The following ECE2 variants were observed in gnomAD, a reference collection of about 807,000 sequenced individuals.
ECE2 encodes endothelin-converting enzyme 2.
A neutral mutation model predicts 100.6 loss-of-function variants in ECE2; 81 were observed. The ratio of observed to expected loss-of-function variants is 0.81; its 90% confidence interval spans 0.67 to 0.97. The LOEUF is 0.97. Ranked by LOEUF, ECE2 falls within the 50% of genes least tolerant of loss-of-function variation. The pLI, the probability that ECE2 is intolerant of heterozygous loss-of-function variation, is 0.00. For synonymous variants in ECE2, 391 were observed against 391.5 expected, an observed-to-expected ratio of 1.00 and a Z score of 0.02; for missense variants, 911 against 988.1, an observed-to-expected ratio of 0.92 and a Z score of 1.05.
At position 184,291,619 on chromosome 3, in the gene ECE2, G is replaced by A; in HGVS notation, c.2121+180G>A. 3 of 609,416 alleles carry A rather than the reference G, an allele frequency of 4.9e-6. No homozygotes were observed. The South Asian group carries it at 8.3e-5, about 17-fold the overall frequency. 37.8% of individuals were successfully genotyped at this position (609,416 alleles called of 1,614,324 possible). On this transcript the variant is annotated intron_variant, in intron 18 of 18. Coordinates refer to ENST00000404464, the MANE Select transcript of ECE2 (RefSeq NM_001100121.2). The surrounding 1 kb of genome is among the most constrained non-coding windows in gnomAD (Gnocchi z 4.1). The stretch of plus-strand genomic sequence containing the variant: ...CCTCCGGCCAGCCAGGGCCCACAAA[G>A]GCAGCCTGAAGAGGCCTGAGCGGGA...
intron 7 of ECE2, among the ~76,000 whole-genome samples, chr3:184,281,814 G>T (rs974065733): frequency 1.3e-5 from 2 of 152,232 alleles, no homozygotes; most frequent in Admixed American, 1.3e-4. Flanking sequence ...AAAACTAAGA[G>T]TAGGCTGGGT....
At chr3:184,287,994 T>C in intron 11 of ECE2, 47 bp downstream of exon 11, 2 of 1,552,888 alleles carry the variant, frequency 1.3e-6, no homozygotes, top group Non-Finnish European at 1.8e-6. Context: ...AAATTGACTG[T>C]TCATGTATGT....
chr3:184,276,036 G>T lies in ECE2; in HGVS notation c.-118G>T, dbSNP rs1720526646. 16 of 1,115,054 alleles carry T rather than the reference G, an allele frequency of 1.4e-5. No homozygotes were observed. In the South Asian group the frequency reaches 2.2e-4, roughly 15 times the overall value. The allele number at this position is 1,115,054 out of a possible 1,614,324, so 69.1% of individuals were successfully genotyped here. On this transcript the variant is annotated 5_prime_UTR_variant, in exon 1 of 19. Transcript: ENST00000404464. The stretch of plus-strand genomic sequence containing the variant: ...GGGGGGCGGCCGCGGCCGAGCGGGG[G>T]TGCTGCGCGGCGGCCGTGATGGCTG...
intron 18 of ECE2, 31 bp from the exon 19 acceptor site, chr3:184,292,031 C>A (rs765510601): frequency 1.3e-6 from 2 of 1,593,326 alleles, no homozygotes; most frequent in Non-Finnish European, 1.7e-6. Context: ...CACTAGACAC[C>A]ATATGCCCCC....
chr3:184,276,358 T>C, intron 1 of ECE2, 123 bp from the exon 2 acceptor site: 1 of 1,394,848 alleles, frequency 7.2e-7, no homozygotes, highest in Middle Eastern at 2.5e-4. Flanking sequence ...GCAGGGCAGG[T>C]GGGAAGGGAA....
intron 10 of ECE2, 99 bp downstream of exon 10, chr3:184,285,691 C>A: frequency 1.1e-6 from 1 of 899,478 alleles, no homozygotes; most frequent in Non-Finnish European, 1.8e-6. Flanking sequence ...TGCACAGGTG[C>A]ATAGTATGGA....
chr3:184,288,460 ATATT>A (rs1166225621), intron 11 of ECE2, among the ~76,000 whole-genome samples: 1 of 152,156 alleles, frequency 6.6e-6, no homozygotes, highest in Non-Finnish European at 1.5e-5. Flanking sequence ...ACTAGAAGAA[ATATT>A]TATTTATTAG....
In ECE2 at chr3:184,276,614, T is replaced by C; in HGVS notation, c.126+47T>C. On this transcript the variant is annotated intron_variant, in intron 2 of 18. Coordinates refer to ENST00000404464, the MANE Select transcript of ECE2 (RefSeq NM_001100121.2). ...TTCTCACCAGGCCCCAGCCCTGGCATGACGCCTGGCACACCCAGGAGCTCT... is the reference window on the plus strand; with the variant it reads ...TTCTCACCAGGCCCCAGCCCTGGCACGACGCCTGGCACACCCAGGAGCTCT... 1.9e-6 allele frequency: 3 copies of C among 1,590,482 alleles called. No homozygotes were observed. In the East Asian group the frequency reaches 6.8e-5, roughly 36 times the overall value.
intron 8 of ECE2, among the ~76,000 whole-genome samples, chr3:184,284,435 G>A (rs1458185617): frequency 2.6e-5 from 4 of 151,916 alleles, no homozygotes; most frequent in Non-Finnish European, 5.9e-5. Context: ...CCAGCTACTC[G>A]GGAGGCTGAG....
At chr3:184,290,950 G>C in intron 16 of ECE2, 90 bp downstream of exon 16, 1 of 1,596,250 alleles carries the variant, frequency 6.3e-7, no homozygotes. Flanking sequence ...CAAGGGCCCT[G>C]AAGTCTGTGG....
rs946086832 is a variant in ECE2, at chr3:184,276,207, C to T, written c.39+15C>T. On this transcript the variant is annotated intron_variant, in intron 1 of 18. Transcript: ENST00000404464. ...CTGGCAGCAACGTGAGTGGGGGCCC[C>T]GGGCTCCACGGGAGGGGACTGGGTG... is the stretch of plus-strand genomic sequence containing the variant. The T allele has an allele frequency of 3.5e-5, 50 of 1,441,030 alleles. No homozygotes were observed. The highest frequency in any genetic ancestry group is 4.4e-5 in the Non-Finnish European group (49 of 1,103,686). The allele number at this position is 1,441,030 out of a possible 1,614,324, so 89.3% of individuals were successfully genotyped here.
intron 8 of ECE2, 49 bp from the exon 9 acceptor site, chr3:184,284,914 C>G: frequency 1.3e-6 from 2 of 1,595,106 alleles, no homozygotes; most frequent in Non-Finnish European, 1.7e-6. Flanking sequence ...GGGGAGGGTT[C>G]TGCTGGAAGC....
intron 14 of ECE2, 84 bp downstream of exon 14, chr3:184,290,442 A>G (rs1721258988): frequency 6.4e-7 from 1 of 1,565,102 alleles, no homozygotes; most frequent in Admixed American, 1.7e-5. Context: ...AAGGGTGGCA[A>G]GACTGGTCCC....
intron 8 of ECE2, among the ~76,000 whole-genome samples, chr3:184,284,592 G>A (rs976964553): frequency 1.4e-4 from 21 of 151,704 alleles, no homozygotes; most frequent in African/African-American, 4.8e-4. Context: ...TGGGGGACCC[G>A]TACTGTGCCA....
chr3:184,283,864 T>C lies in ECE2; in HGVS notation c.896T>C (p.Met299Thr). 1 of 1,613,910 alleles carries C rather than the reference T, an allele frequency of 6.2e-7. No individual in the cohort carries two copies. The highest frequency in any genetic ancestry group is 1.1e-5 in the South Asian group (1 of 91,076). The change falls in exon 8 of 19, where the codon ATG (methionine) becomes ACG (threonine). Residue 299 changes from methionine to threonine, a missense_variant. Physicochemically the swap from Met to Thr is moderately conservative, Grantham distance 81. Transcript: ENST00000404464. ...GGRPTSTREQ[M>T]QQVLELEIQL... is the part of the protein sequence containing the mutation. ...CGGCCCACCTCCACGAGGGAGCAGATGCAGCAGGTGCTGGAGTTGGAGATA... is the reference window on the plus strand; with the variant it reads ...CGGCCCACCTCCACGAGGGAGCAGACGCAGCAGGTGCTGGAGTTGGAGATA...
chr3:184,284,853 G>A, intron 8 of ECE2, 110 bp from the exon 9 acceptor site: 3 of 1,405,836 alleles, frequency 2.1e-6, no homozygotes, highest in South Asian at 2.8e-5. Flanking sequence ...CATGAAGCCA[G>A]TAGTTGTTGC....
intron 7 of ECE2, 42 bp from the exon 8 acceptor site, chr3:184,283,743 G>A: frequency 6.3e-7 from 1 of 1,599,664 alleles, no homozygotes; most frequent in Non-Finnish European, 8.5e-7. Context: ...GCCTTGGGCA[G>A]GACTTGTTGC....
rs1205957167 is a variant in ECE2, at chr3:184,278,529, A to C, written c.788A>C (p.Tyr263Ser). The C allele has an allele frequency of 6.2e-7, 1 of 1,614,010 alleles. No individual in the cohort carries two copies. Among genetic ancestry groups the C allele is most frequent in the East Asian group, 2.2e-5 (1 of 44,858 alleles). ...QSGLFLPSRD[Y>S]YLNRTANEKV... ...GGGCTCTTTCTGCCCTCTCGGGATT[A>C]CTACTTAAACAGAACTGCCAATGAG... The change falls in exon 7 of 19, where the codon TAC becomes TCC. Residue 263 changes from tyrosine to serine, a missense_variant. Physicochemically the swap from Tyr to Ser is moderately radical, Grantham distance 144. Coordinates refer to ENST00000404464, the MANE Select transcript of ECE2 (RefSeq NM_001100121.2).
chr3:184,287,541 A>G (rs1473752501), intron 10 of ECE2, among the ~76,000 whole-genome samples: 1 of 152,202 alleles, frequency 6.6e-6, no homozygotes, highest in Non-Finnish European at 1.5e-5. Context: ...AAATTACAAA[A>G]GAAAATAGCT....
Sources: gnomAD v4.1 joint callset for allele counts (sites outside exome capture counted in the v4.1 genomes callset) on GRCh38, gnomAD v4.1.1 for gene constraint, Gnocchi (gnomAD v3.1) non-coding constraint, MANE v1.5 for transcripts, NCBI Gene and HGNC (gene_info 2026-07-23, HGNC 2026-07-21) for gene names.